The following TPD52 variants were observed in gnomAD, a reference collection of about 807,000 sequenced individuals.
The protein encoded by TPD52 is prostate and colon associated protein.
In TPD52, 17 loss-of-function variants were observed where a neutral mutation model predicts 31.3. The observed-to-expected ratio is 0.54, with a 90% CI of 0.37 to 0.82. TPD52 has a LOEUF of 0.82. Among genes scored for constraint, TPD52 ranks in the 40% least tolerant of loss-of-function variants. TPD52 has a pLI of 0.00. For synonymous variants in TPD52, 83 were observed against 89.6 expected, an observed-to-expected ratio of 0.93 and a Z score of 0.42; for missense variants, 212 against 240.1, an observed-to-expected ratio of 0.88 and a Z score of 0.77.
chr8:80,132,207 T>A lies in TPD52; in HGVS notation c.19+39218A>T, dbSNP rs550972812. Among the ~76,000 whole-genome samples, 7 of 152,160 alleles carry A rather than the reference T, an allele frequency of 4.6e-5. No homozygotes were observed. In the South Asian group the frequency reaches 1.0e-3, roughly 23 times the overall value. The stretch of plus-strand genomic sequence containing the variant: ...GTAGCACCTGTTAAAGTTGTGTTGT[T>A]AAAATTGTGATTGCTACTGTTTGTG... On this transcript the variant is annotated intron_variant, in intron 1 of 7. Transcript: ENST00000518937.
At chr8:80,101,493 G>A (rs1264179784) in intron 1 of TPD52, among the ~76,000 whole-genome samples, 1 of 147,980 alleles carries the variant, frequency 6.8e-6, no homozygotes, top group African/African-American at 2.5e-5. Flanking sequence ...AAGCAACTGT[G>A]TTAATCTGTT....
chr8:80,162,406 A>G (rs1244800423), intron 1 of TPD52, among the ~76,000 whole-genome samples: 1 of 152,180 alleles, frequency 6.6e-6, no homozygotes, highest in Non-Finnish European at 1.5e-5. Context: ...GTAGATAAGT[A>G]ACAATCTCTA....
chr8:80,121,318 T>C (rs900895048), intron 1 of TPD52, among the ~76,000 whole-genome samples: 4 of 152,032 alleles, frequency 2.6e-5, no homozygotes, highest in African/African-American at 9.7e-5. Context: ...AGGCAAGATG[T>C]GACAGGAGCC....
At chr8:80,105,707 G>T (rs1483353449) in intron 1 of TPD52, among the ~76,000 whole-genome samples, 1 of 149,554 alleles carries the variant, frequency 6.7e-6, no homozygotes, top group Admixed American at 6.7e-5. Context: ...AAAATGCTAG[G>T]ATTACACCCA....
intron 1 of TPD52, among the ~76,000 whole-genome samples, chr8:80,097,513 T>C (rs533595990): frequency 1.3e-5 from 2 of 152,202 alleles, no homozygotes; most frequent in Non-Finnish European, 2.9e-5. Flanking sequence ...CTCACAATAG[T>C]GAGTTCTCAA....
chr8:80,139,187 G>A (rs1809643766), intron 1 of TPD52, among the ~76,000 whole-genome samples: 1 of 152,184 alleles, frequency 6.6e-6, no homozygotes, highest in African/African-American at 2.4e-5. Context: ...TGGCAGGGAG[G>A]GGAGAAAATA....
chr8:80,117,674 C>T (rs1204474293), intron 1 of TPD52, among the ~76,000 whole-genome samples: 1 of 151,778 alleles, frequency 6.6e-6, no homozygotes, highest in Non-Finnish European at 1.5e-5. Context: ...CCCAGAGTAG[C>T]CAAAACAATC....
intron 2 of TPD52, 50 bp from the exon 3 acceptor site, chr8:80,053,480 G>A (rs1250163926): frequency 1.7e-5 from 27 of 1,577,804 alleles, no homozygotes; most frequent in Non-Finnish European, 2.3e-5. Context: ...CATTCAGTAA[G>A]TTAAGATTAT....
At chr8:80,145,912 A>C (rs901262665) in intron 1 of TPD52, among the ~76,000 whole-genome samples, 9 of 152,178 alleles carry the variant, frequency 5.9e-5, no homozygotes, top group Non-Finnish European at 8.8e-5. Context: ...ATATCTATAA[A>C]AACATGGTGG....
chr8:80,034,252 G>T (rs543544474), downstream of TPD52, among the ~76,000 whole-genome samples: 2 of 152,236 alleles, frequency 1.3e-5, no homozygotes, highest in East Asian at 1.9e-4. Context: ...CATGGGCAGG[G>T]GACTTTCCAG....
intron 1 of TPD52, among the ~76,000 whole-genome samples, chr8:80,144,698 T>C (rs768753291): frequency 6.6e-6 from 1 of 152,216 alleles, no homozygotes; most frequent in Non-Finnish European, 1.5e-5. Flanking sequence ...GTCACTGAAA[T>C]ACACCCAGAA....
intron 1 of TPD52, among the ~76,000 whole-genome samples, chr8:80,084,679 T>C (rs550423127): frequency 6.6e-6 from 1 of 152,374 alleles, no homozygotes; most frequent in East Asian, 1.9e-4. Flanking sequence ...GAAAGAGTCC[T>C]AACATACCTA....
intron 3 of TPD52, 38 bp downstream of exon 3, chr8:80,053,244 T>C (rs752078659): frequency 3.4e-5 from 55 of 1,606,772 alleles, no homozygotes; most frequent in Non-Finnish European, 4.6e-5. Flanking sequence ...CAGTGTCCTT[T>C]ACACTCCCAA....
intron 1 of TPD52, among the ~76,000 whole-genome samples, chr8:80,120,362 G>A (rs938884436): frequency 3.3e-5 from 5 of 152,028 alleles, no homozygotes; most frequent in Non-Finnish European, 5.9e-5. Flanking sequence ...GGTGGTTCAC[G>A]TCTGTAATCC....
intron 1 of TPD52, among the ~76,000 whole-genome samples, chr8:80,110,019 A>C (rs1320556024): frequency 6.6e-6 from 1 of 152,188 alleles, no homozygotes; most frequent in Non-Finnish European, 1.5e-5. Flanking sequence ...GAGTTCACCA[A>C]AATGCCCACT....
intron 1 of TPD52, among the ~76,000 whole-genome samples, chr8:80,162,957 C>CA (rs36069407): frequency 0.38 from 57,343 of 151,314 alleles, 11,434 homozygotes; most frequent in East Asian, 0.71. Context: ...AACAAACAAA[C>CA]AAAAAAAACG....
At chr8:80,087,483 G>T (rs1236577018) in intron 1 of TPD52, among the ~76,000 whole-genome samples, 1 of 152,126 alleles carries the variant, frequency 6.6e-6, no homozygotes, top group African/African-American at 2.4e-5. Flanking sequence ...ATTTGAAAAG[G>T]GCTAAAAAAC....
intron 1 of TPD52, among the ~76,000 whole-genome samples, chr8:80,169,703 G>A (rs576968286): frequency 6.6e-6 from 1 of 152,242 alleles, no homozygotes; most frequent in East Asian, 1.9e-4. Context: ...AATACACATG[G>A]GCACGTTTGT....
chr8:80,116,777 TAAAA>T (rs11296093), intron 1 of TPD52, among the ~76,000 whole-genome samples: 2 of 146,032 alleles, frequency 1.4e-5, no homozygotes, highest in African/African-American at 5.0e-5. Context: ...CTAGGAATGT[TAAAA>T]AAAAAAAAAA....
Sources: gnomAD v4.1 joint callset for allele counts (sites outside exome capture counted in the v4.1 genomes callset) on GRCh38, gnomAD v4.1.1 for gene constraint, MANE v1.5 for transcripts, NCBI Gene and HGNC (gene_info 2026-07-23, HGNC 2026-07-21) for gene names.